The following BLK variants were observed in gnomAD, a reference collection of about 807,000 sequenced individuals.
BLK encodes tyrosine-protein kinase Blk.
Under a neutral mutation model 61.8 loss-of-function variants are expected in BLK, and 64 were observed. The observed-to-expected ratio is 1.03, with a 90% CI of 0.85 to 1.27. The LOEUF (loss-of-function observed/expected upper bound fraction) is 1.27. Ranked by LOEUF, BLK falls within the 50% of genes most tolerant of loss-of-function variation. BLK has a pLI of 0.00. For synonymous variants in BLK, 351 were observed against 272.0 expected (o/e 1.29, Z -2.86); for missense variants, 853 against 660.5 (o/e 1.29, Z -3.19).
chr8:11,557,442 C>T (rs1801288452), intron 9 of BLK, among the ~76,000 whole-genome samples: 1 of 152,194 alleles, frequency 6.6e-6, no homozygotes, highest in Admixed American at 6.5e-5. Flanking sequence ...GTGCCTCTAG[C>T]CTGCCCCTAG....
At chr8:11,556,557 A>T in intron 8 of BLK, 101 bp from the exon 9 acceptor site, 1 of 1,412,948 alleles carries the variant, frequency 7.1e-7, no homozygotes, top group Non-Finnish European at 1.0e-6. Flanking sequence ...TGGCACCTGG[A>T]ATGGGGTGGC....
In BLK at chr8:11,561,345, A is replaced by G. The variant is rs774184424; in HGVS notation, c.1073A>G (p.His358Arg). 1 of 1,613,952 alleles carries G rather than the reference A, an allele frequency of 6.2e-7. No homozygotes were observed. The highest frequency in any genetic ancestry group is 1.3e-5 in the African/African-American group (1 of 74,924). ...MAYIERMNSI[H>R]RDLRAANILV... ...TACATTGAGCGCATGAATTCCATCC[A>G]CCGCGACCTGCGGGCGGCCAACATC... Residue 358 changes from histidine (H) to arginine (R), a missense_variant, in exon 11 of 13, where the codon CAC becomes CGC. Transcript: ENST00000259089.
intron 1 of BLK, among the ~76,000 whole-genome samples, chr8:11,517,013 T>A (rs1023435567): frequency 6.6e-6 from 1 of 152,188 alleles, no homozygotes; most frequent in Non-Finnish European, 1.5e-5. Context: ...GGACTTTGAA[T>A]TTTACTCTGA....
intron 10 of BLK, chr8:11,560,992 T>C (rs1172825422): frequency 1.2e-5 from 7 of 561,092 alleles, no homozygotes; most frequent in Admixed American, 6.6e-5. Flanking sequence ...CCCTCTCCTT[T>C]TCTCCTGCCT....
chr8:11,529,994 G>A (rs1799822276), intron 1 of BLK, among the ~76,000 whole-genome samples: 1 of 152,190 alleles, frequency 6.6e-6, no homozygotes, highest in Non-Finnish European at 1.5e-5. Flanking sequence ...AATAACAGGT[G>A]TGCTGTAGCT....
intron 1 of BLK, among the ~76,000 whole-genome samples, chr8:11,515,496 C>G (rs1358262964): frequency 6.6e-6 from 1 of 152,132 alleles, no homozygotes; most frequent in Non-Finnish European, 1.5e-5. Flanking sequence ...TCCCTGCTCC[C>G]CTTTAATTGC....
intron 6 of BLK, among the ~76,000 whole-genome samples, chr8:11,551,342 G>C (rs995381942): frequency 6.6e-6 from 1 of 152,168 alleles, no homozygotes; most frequent in Non-Finnish European, 1.5e-5. Context: ...TTGGCTTGCC[G>C]ATGGCCGTCT....
At position 11,555,735 on chromosome 8, in the gene BLK, C is replaced by G. The variant is rs1284116038; in HGVS notation, c.772+251C>G. Reference sequence around the variant, plus strand: ...CAGCTCACCCAGCCCCGAAGTCGCTCCCTCCTTCGTTCTCTGCCTGAAGCT... The same window carrying G: ...CAGCTCACCCAGCCCCGAAGTCGCTGCCTCCTTCGTTCTCTGCCTGAAGCT... On this transcript the variant is annotated intron_variant, in intron 8 of 12. Transcript: ENST00000259089. 5.6e-5 allele frequency: 33 copies of G among 591,422 alleles called. 1 individual carries two copies. Among genetic ancestry groups the G allele is most frequent in the East Asian group, 1.9e-4 (6 of 31,468 alleles). 36.6% of individuals were successfully genotyped at this position (591,422 alleles called of 1,614,324 possible). A position where few individuals can be genotyped will look rare whatever the true frequency, so the allele number is the denominator to read the frequency against.
chr8:11,556,813 AT>A lies in BLK; in HGVS notation c.930del (p.Ile310MetfsTer15). ...YAVVTKEPIY[I>X]VTEYMARGCL... Reference sequence around the variant, plus strand: ...AGTGGTCACCAAGGAGCCCATCTACATTGTCACCGAGTACATGGCCAGAGGT... The same window carrying A: ...AGTGGTCACCAAGGAGCCCATCTACATGTCACCGAGTACATGGCCAGAGGT... On this transcript the variant is annotated frameshift_variant, in exon 9 of 13. Transcript: ENST00000259089. LOFTEE classifies it high-confidence loss of function. The A allele has an allele frequency of 6.2e-7, 1 of 1,614,016 alleles. No individual in the cohort carries two copies. The highest frequency in any genetic ancestry group is 8.5e-7 in the Non-Finnish European group (1 of 1,179,986).
At chr8:11,502,513 C>T (rs1326360407) in intron 1 of BLK, among the ~76,000 whole-genome samples, 1 of 152,134 alleles carries the variant, frequency 6.6e-6, no homozygotes, top group Non-Finnish European at 1.5e-5. Context: ...GTCTTGAACT[C>T]CTGACCTCAA....
At chr8:11,546,366 G>C (rs765498611) in intron 3 of BLK, among the ~76,000 whole-genome samples, 7 of 152,172 alleles carry the variant, frequency 4.6e-5, no homozygotes, top group Non-Finnish European at 5.9e-5. Context: ...AAAAACAAGA[G>C]TCCCAGGGAA....
intron 1 of BLK, among the ~76,000 whole-genome samples, chr8:11,508,211 G>A (rs1329192767): frequency 9.2e-5 from 14 of 152,210 alleles, no homozygotes; most frequent in Non-Finnish European, 1.2e-4. Context: ...TGCCACTACT[G>A]TAAGGCAAGA....
intron 1 of BLK, among the ~76,000 whole-genome samples, chr8:11,501,133 C>T (rs1405917048): frequency 6.6e-6 from 1 of 152,110 alleles, no homozygotes; most frequent in Non-Finnish European, 1.5e-5. Flanking sequence ...TGCTTGAACC[C>T]AGGAGATCTC....
intron 6 of BLK, chr8:11,552,943 TAC>T (rs1286809850): frequency 2.6e-5 from 4 of 153,932 alleles, no homozygotes; most frequent in African/African-American, 7.2e-5. Flanking sequence ...TGCACACATA[TAC>T]ACACATGTGC....
At chr8:11,496,552 T>C (rs894191361) in intron 1 of BLK, among the ~76,000 whole-genome samples, 11 of 152,168 alleles carry the variant, frequency 7.2e-5, no homozygotes, top group Admixed American at 7.2e-4. Context: ...CCAGCATGCA[T>C]TTTTGAGCCT....
chr8:11,494,636 T>C (rs537962133), intron 1 of BLK, 45 bp downstream of exon 1: 1 of 152,350 alleles, frequency 6.6e-6, no homozygotes, highest in African/African-American at 2.4e-5. Context: ...TTCCTTTAAA[T>C]TGTGCAAATG....
intron 2 of BLK, among the ~76,000 whole-genome samples, chr8:11,545,052 A>G (rs1405440323): frequency 6.6e-6 from 1 of 152,210 alleles, no homozygotes; most frequent in Non-Finnish European, 1.5e-5. Context: ...AACGATATTT[A>G]GTTTCATTAT....
intron 1 of BLK, among the ~76,000 whole-genome samples, chr8:11,510,611 C>T (rs1354825463): frequency 1.3e-5 from 2 of 152,018 alleles, no homozygotes; most frequent in Non-Finnish European, 2.9e-5. Context: ...AAAAACCCAG[C>T]TTTCTCTCTC....
chr8:11,505,596 C>T (rs987881014), intron 1 of BLK, among the ~76,000 whole-genome samples: 2 of 152,210 alleles, frequency 1.3e-5, no homozygotes, highest in African/African-American at 4.8e-5. Flanking sequence ...GGCAGTTCCG[C>T]ATCCTTGGAG....
Sources: allele counts gnomAD v4.1 joint callset (sites outside exome capture counted in the v4.1 genomes callset), GRCh38; gene constraint gnomAD v4.1.1; transcripts MANE v1.5; gene names NCBI Gene and HGNC (gene_info 2026-07-23, HGNC 2026-07-21).